The following C10orf143 variants were observed in gnomAD, a reference collection of about 807,000 sequenced individuals.
C10orf143 encodes the protein uncharacterized protein C10orf143.
At chr10:130,063,689 G>A (rs751784723), downstream of C10orf143, among the ~76,000 whole-genome samples, 3 of 151,972 alleles carry the variant, frequency 2.0e-5, no homozygotes, top group Non-Finnish European at 4.4e-5. Flanking sequence ...AACGTGATGC[G>A]GACAGGAGCT....
At chr10:130,081,220 T>C (rs556778414) in intron 1 of C10orf143, among the ~76,000 whole-genome samples, 1 of 151,984 alleles carries the variant, frequency 6.6e-6, no homozygotes, top group South Asian at 2.1e-4. Flanking sequence ...AAGTGTTAAA[T>C]ACAACCAAGG....
At chr10:130,105,914 C>G (rs1002679395) in intron 1 of C10orf143, 1 of 368,544 alleles carries the variant, frequency 2.7e-6, no homozygotes, top group Non-Finnish European at 5.4e-6. Context: ...CAGCTCCCCC[C>G]CGCAGCCGGC....
chr10:130,052,309 C>T (rs1860746140), intron 3 of C10orf143, among the ~76,000 whole-genome samples: 1 of 152,144 alleles, frequency 6.6e-6, no homozygotes, highest in Non-Finnish European at 1.5e-5. Flanking sequence ...CCACACAGGA[C>T]AGCGGTCACC....
intron 1 of C10orf143, among the ~76,000 whole-genome samples, chr10:130,086,971 C>T (rs1057342406): frequency 6.6e-6 from 1 of 152,184 alleles, no homozygotes; most frequent in Non-Finnish European, 1.5e-5. Context: ...GGCTGAAGGG[C>T]CAGGGTCCCG....
At chr10:130,049,230 A>G (rs1461446369) in intron 3 of C10orf143, among the ~76,000 whole-genome samples, 2 of 152,138 alleles carry the variant, frequency 1.3e-5, no homozygotes, top group Non-Finnish European at 2.9e-5. Context: ...CTCCATCCAC[A>G]GGGAAATCAT....
chr10:130,102,847 T>C (rs1395800301), intron 1 of C10orf143, among the ~76,000 whole-genome samples: 1 of 152,200 alleles, frequency 6.6e-6, no homozygotes, highest in Non-Finnish European at 1.5e-5. Flanking sequence ...ATTGACTTTG[T>C]CTTTTATTAA....
chr10:130,047,416 T>C lies in C10orf143; in HGVS notation c.298-11446A>G, dbSNP rs191369050. Among the ~76,000 whole-genome samples, 33 of 152,272 alleles carry C rather than the reference T, an allele frequency of 2.2e-4. 1 individual carries two copies. In the East Asian group the frequency reaches 5.8e-3, roughly 27 times the overall value. On this transcript the variant is annotated intron_variant and NMD_transcript_variant, in intron 3 of 5. Transcript: ENST00000643056. ...ACAGGGCTTGGGGCGGGAGGGTCTGTGTAAGGCACTGAGCGGGGCTGCGTA... is the reference window on the plus strand; with the variant it reads ...ACAGGGCTTGGGGCGGGAGGGTCTGCGTAAGGCACTGAGCGGGGCTGCGTA...
chr10:130,074,378 C>T (rs148084026), intron 3 of C10orf143, among the ~76,000 whole-genome samples: 7 of 152,266 alleles, frequency 4.6e-5, no homozygotes, highest in East Asian at 1.9e-4. Context: ...ATGAAGTTCC[C>T]GTTGATCCCT....
At chr10:130,052,937 C>T (rs909065531) in intron 3 of C10orf143, among the ~76,000 whole-genome samples, 7 of 152,206 alleles carry the variant, frequency 4.6e-5, no homozygotes, top group African/African-American at 1.7e-4. Flanking sequence ...ACCTTTGCAG[C>T]CAAACAGGAA....
At chr10:130,107,313 C>T in intron 1 of C10orf143, 2 of 1,085,120 alleles carry the variant, frequency 1.8e-6, no homozygotes, top group East Asian at 2.4e-5. Flanking sequence ...AGCCATGCCA[C>T]TAAAGAGCTG....
At chr10:130,092,198 C>T (rs1317071912) in intron 1 of C10orf143, among the ~76,000 whole-genome samples, 2 of 152,220 alleles carry the variant, frequency 1.3e-5, no homozygotes, top group African/African-American at 4.8e-5. Context: ...GGAAGCCTAT[C>T]AGACTAACAG....
intron 1 of C10orf143, among the ~76,000 whole-genome samples, chr10:130,099,510 TTTTATTTATTTATTTATTTATTTA>T (rs140538908): frequency 1.3e-5 from 2 of 148,548 alleles, no homozygotes; most frequent in African/African-American, 2.5e-5. Flanking sequence ...CTTCTTTTAT[TTTTATTTATTTATTTATTTATTTA>T]TTTATTTATT....
At chr10:130,061,309 T>G (rs1348884387), downstream of C10orf143, among the ~76,000 whole-genome samples, 3 of 152,242 alleles carry the variant, frequency 2.0e-5, no homozygotes, top group Non-Finnish European at 4.4e-5. Flanking sequence ...AAAATTTTTT[T>G]CTTTAATAAG....
At chr10:130,083,534 C>G (rs1209253934) in intron 1 of C10orf143, among the ~76,000 whole-genome samples, 1 of 152,144 alleles carries the variant, frequency 6.6e-6, no homozygotes, top group East Asian at 1.9e-4. Context: ...TATGGTACAT[C>G]CAAGCAACGA....
intron 1 of C10orf143, among the ~76,000 whole-genome samples, chr10:130,098,335 C>CA (rs574762127): frequency 5.9e-5 from 9 of 151,468 alleles, no homozygotes; most frequent in Non-Finnish European, 8.8e-5. Context: ...AAAACAAAAA[C>CA]AAAAAAAACT....
At chr10:130,077,047 C>T (rs80192092) in intron 3 of C10orf143, among the ~76,000 whole-genome samples, 9,412 of 152,064 alleles carry the variant, frequency 0.062, 344 homozygotes, top group South Asian at 0.11. Flanking sequence ...GGTGACGGTC[C>T]TAAATAATAA....
intron 1 of C10orf143, among the ~76,000 whole-genome samples, chr10:130,091,712 A>G (rs1861385372): frequency 6.6e-6 from 1 of 152,250 alleles, no homozygotes; most frequent in Non-Finnish European, 1.5e-5. Flanking sequence ...CAGTTTAGAC[A>G]ATAACATAAA....
chr10:130,080,150 A>G (rs930425421), intron 1 of C10orf143, among the ~76,000 whole-genome samples: 1 of 152,244 alleles, frequency 6.6e-6, no homozygotes, highest in Non-Finnish European at 1.5e-5. Flanking sequence ...GTCATTTCAA[A>G]TAATTTTGGC....
chr10:130,110,120 CCTGA>C (rs1332256654), intron 1 of C10orf143, among the ~76,000 whole-genome samples: 3 of 152,162 alleles, frequency 2.0e-5, no homozygotes, highest in African/African-American at 7.2e-5. Context: ...CTCACACATA[CCTGA>C]CTTACCCACG....
Sources: allele counts gnomAD v4.1 joint callset (sites outside exome capture counted in the v4.1 genomes callset), GRCh38; gene constraint gnomAD v4.1.1; transcripts MANE v1.5; gene names NCBI Gene and HGNC (gene_info 2026-07-23, HGNC 2026-07-21).